CASR: variants seen among roughly 807,000 people sequenced by gnomAD.
CASR encodes calcium sensing receptor.
In CASR, 23 loss-of-function variants were observed where a neutral mutation model predicts 69.1. The ratio of observed to expected loss-of-function variants is 0.33; its 90% CI spans 0.24 to 0.47. The LOEUF (loss-of-function observed/expected upper bound fraction) is 0.47. Ranked by LOEUF, CASR falls within the 20% of genes least tolerant of loss-of-function variation. The pLI is 1.00. For missense variants in CASR, 924 were observed against 1,356.1 expected, an observed-to-expected ratio of 0.68 and a Z score of 5.00; for synonymous variants, 541 against 544.7, an observed-to-expected ratio of 0.99 and a Z score of 0.10.
At chr3:122,192,814 C>A (rs965399401) in intron 1 of CASR, among the ~76,000 whole-genome samples, 2 of 152,110 alleles carry the variant, frequency 1.3e-5, no homozygotes, top group Non-Finnish European at 2.9e-5. Context: ...AGCTCCCAGG[C>A]GATGATGGTA....
rs912651537 is a variant in CASR, at chr3:122,289,474, A to C, written c.*4283A>C. Reference sequence around the variant, plus strand: ...CAGGGAAACAACAAGCACAGGGTAGAACCTGTCACAGGAATAAAGGTGCAT... The same window carrying C: ...CAGGGAAACAACAAGCACAGGGTAGCACCTGTCACAGGAATAAAGGTGCAT... On this transcript the variant is annotated 3_prime_UTR_variant, in exon 7 of 7. Coordinates refer to ENST00000639785, the MANE Select transcript of CASR (RefSeq NM_000388.4). 1 of 152,302 alleles carries C rather than the reference A, an allele frequency of 6.6e-6. No homozygotes were observed. The highest frequency in any genetic ancestry group is 1.5e-5 in the Non-Finnish European group (1 of 68,104). 9.4% of individuals were successfully genotyped at this position (152,302 alleles called of 1,614,324 possible).
In CASR at chr3:122,283,987, G is replaced by A. The variant is rs1278025825; in HGVS notation, c.2033G>A (p.Arg678His). 7.4e-6 allele frequency: 12 copies of A among 1,613,574 alleles called. No individual in the cohort carries two copies. The highest frequency in any genetic ancestry group is 2.2e-5 in the South Asian group (2 of 91,056). ...FIGEPQDWTC[R>H]LRQPAFGISF... Reference sequence around the variant, plus strand: ...GGGGAGCCCCAGGACTGGACGTGCCGCCTGCGCCAGCCGGCCTTTGGCATC... The same window carrying A: ...GGGGAGCCCCAGGACTGGACGTGCCACCTGCGCCAGCCGGCCTTTGGCATC... The change falls in exon 7 of 7, where the codon CGC becomes CAC. Residue 678 changes from arginine (R) to histidine (H), a missense_variant. By Grantham distance (29) the Arg-to-His change is conservative. Transcript: ENST00000639785.
chr3:122,263,781 G>A (rs1431790492), intron 4 of CASR, among the ~76,000 whole-genome samples: 5 of 152,216 alleles, frequency 3.3e-5, no homozygotes, highest in Non-Finnish European at 7.4e-5. Context: ...TTCTTCACAC[G>A]GAACCCCTAC....
Position 122,261,613 on chromosome 3 carries a change from A to T in CASR, c.578A>T (p.Gln193Leu), listed in dbSNP as rs1453028781. The change falls in exon 4 of 7, where the codon CAG becomes CTG. Residue 193 changes from glutamine (Q) to leucine (L), a missense_variant. Transcript: ENST00000639785. ...CGAACCATCCCCAATGATGAGCACC[A>T]GGCCACTGCCATGGCAGACATCATC... Reference protein sequence around the residue: ...FLRTIPNDEHQATAMADIIEY... With the variant: ...FLRTIPNDEHLATAMADIIEY... 1 of 1,614,060 alleles carries T rather than the reference A, an allele frequency of 6.2e-7. No homozygotes were observed. The highest frequency in any genetic ancestry group is 8.5e-7 in the Non-Finnish European group (1 of 1,179,988).
Position 122,254,078 on chromosome 3 carries a change from T to C in CASR, c.-112T>C, listed in dbSNP as rs2074525966. 1 of 904,858 alleles carries C rather than the reference T, an allele frequency of 1.1e-6. No individual in the cohort carries two copies. The highest frequency in any genetic ancestry group is 1.3e-5 in the South Asian group (1 of 76,376). The allele number at this position is 904,858 out of a possible 1,614,324, so 56.1% of individuals were successfully genotyped here. ...CGTCTTCTATTATTTTATTAATCAA[T>C]CTGTAGACATGTGTCCCCACTGCAG... is the stretch of plus-strand genomic sequence containing the variant. On this transcript the variant is annotated 5_prime_UTR_variant, in exon 2 of 7. Coordinates refer to ENST00000639785, the MANE Select transcript of CASR (RefSeq NM_000388.4).
At chr3:122,205,156 A>G (rs1033953154) in intron 1 of CASR, among the ~76,000 whole-genome samples, 3 of 152,056 alleles carry the variant, frequency 2.0e-5, no homozygotes, top group Admixed American at 1.3e-4. Flanking sequence ...CCTTGCCCAG[A>G]CCAATGTCCC....
In CASR at chr3:122,202,501, G is replaced by A. The variant is rs2073967548; in HGVS notation, c.-243+18689G>A. Among the ~76,000 whole-genome samples, 3 of 152,032 alleles carry A rather than the reference G, an allele frequency of 2.0e-5. No homozygotes were observed. In the South Asian group the frequency reaches 6.2e-4, roughly 32 times the overall value. On this transcript the variant is annotated intron_variant, in intron 1 of 6. Transcript: ENST00000639785. ...CCGTGGGGAGAGGGAGAGGGAGAGG[G>A]AGAGAGGCCCATTGTTTTTCAAGTG...
intron 1 of CASR, among the ~76,000 whole-genome samples, chr3:122,187,483 C>T (rs28572572): frequency 0.02 from 3,095 of 152,276 alleles, 103 homozygotes; most frequent in African/African-American, 0.072. Flanking sequence ...AGAGTCCCAA[C>T]ATTTAAGGAG....
intron 5 of CASR, among the ~76,000 whole-genome samples, chr3:122,278,908 T>C (rs2074854129): frequency 6.6e-6 from 1 of 152,190 alleles, no homozygotes; most frequent in Non-Finnish European, 1.5e-5. Flanking sequence ...CCTCTTTTTC[T>C]TTAAAAATAG....
At chr3:122,199,114 G>A (rs75219886) in intron 1 of CASR, among the ~76,000 whole-genome samples, 47 of 152,282 alleles carry the variant, frequency 3.1e-4, no homozygotes, top group East Asian at 9.6e-4. Context: ...AGGGAATTGC[G>A]TCAATATACA....
chr3:122,209,009 C>G (rs561458667), intron 1 of CASR, among the ~76,000 whole-genome samples: 33 of 152,148 alleles, frequency 2.2e-4, no homozygotes, highest in Non-Finnish European at 4.1e-4. Context: ...CCCCTGAAAC[C>G]TTGAGGGCAG....
At chr3:122,256,483 C>A (rs201172749) in intron 2 of CASR, among the ~76,000 whole-genome samples, 1 of 146,542 alleles carries the variant, frequency 6.8e-6, no homozygotes, top group Non-Finnish European at 1.5e-5. Context: ...TTTTATTCTT[C>A]TTTTTATTTT....
chr3:122,193,708 A>G (rs539974428), intron 1 of CASR, among the ~76,000 whole-genome samples: 52 of 152,302 alleles, frequency 3.4e-4, no homozygotes, highest in Non-Finnish European at 6.2e-4. Context: ...AGTCTTTTCA[A>G]ATGTGTAAGA....
intron 1 of CASR, among the ~76,000 whole-genome samples, chr3:122,202,038 A>C (rs2073959509): frequency 1.3e-5 from 2 of 152,198 alleles, no homozygotes; most frequent in African/African-American, 4.8e-5. Flanking sequence ...AGAGGCTGCA[A>C]TCTCGGCACT....
At chr3:122,218,029 G>A (rs1383144971) in intron 1 of CASR, among the ~76,000 whole-genome samples, 1 of 151,992 alleles carries the variant, frequency 6.6e-6, no homozygotes, top group African/African-American at 2.4e-5. Flanking sequence ...TTGTGCTCTT[G>A]ACTCTAACAG....
chr3:122,267,530 G>A (rs913212128), intron 4 of CASR, among the ~76,000 whole-genome samples: 11 of 152,134 alleles, frequency 7.2e-5, no homozygotes, highest in African/African-American at 2.4e-4. Context: ...GTCCTGCTAA[G>A]CAAAAGAATA....
chr3:122,272,607 C>G (rs1272103435), intron 4 of CASR, among the ~76,000 whole-genome samples: 1 of 152,168 alleles, frequency 6.6e-6, no homozygotes, highest in Non-Finnish European at 1.5e-5. Flanking sequence ...TAGCAGTTAA[C>G]TATATTTTAT....
At chr3:122,275,786 T>C (rs2074810104) in intron 4 of CASR, 26 bp from the exon 5 acceptor site, 1 of 1,486,782 alleles carries the variant, frequency 6.7e-7, no homozygotes, top group African/African-American at 1.4e-5. Flanking sequence ...CCCTGGGGCT[T>C]GTACTCATTC....
intron 1 of CASR, among the ~76,000 whole-genome samples, chr3:122,220,684 G>A (rs1380377007): frequency 1.3e-5 from 2 of 152,166 alleles, no homozygotes; most frequent in East Asian, 3.9e-4. Flanking sequence ...AAAATATTAA[G>A]GACTTTGTGC....
Sources: allele counts gnomAD v4.1 joint callset (sites outside exome capture counted in the v4.1 genomes callset), GRCh38; gene constraint gnomAD v4.1.1; transcripts MANE v1.5; gene names NCBI Gene and HGNC (gene_info 2026-07-23, HGNC 2026-07-21).